NMBR: variants seen among roughly 807,000 people sequenced by gnomAD.
NMBR encodes the protein neuromedin-B receptor.
NMBR carries 16 observed loss-of-function variants against 20.5 expected under a neutral mutation model. That is an observed-to-expected ratio of 0.78 (90% CI 0.53 to 1.19). The LOEUF is 1.19. Ranked by LOEUF, NMBR falls within the 50% of genes most tolerant of loss-of-function variation. The pLI is 0.00. For missense variants in NMBR, 582 were observed against 499.1 expected, an observed-to-expected ratio of 1.17 and a Z score of -1.58; for synonymous variants, 212 against 196.6, an observed-to-expected ratio of 1.08 and a Z score of -0.65.
intron 1 of NMBR, among the ~76,000 whole-genome samples, chr6:142,091,729 G>A (rs1419507906): frequency 6.6e-6 from 1 of 152,092 alleles, no homozygotes; most frequent in Admixed American, 6.6e-5. Flanking sequence ...TGTCTGTTAT[G>A]TCTCTTTGTT....
chr6:142,116,817 T>C (rs777065840), intron 1 of NMBR, among the ~76,000 whole-genome samples: 2 of 152,028 alleles, frequency 1.3e-5, no homozygotes, highest in Non-Finnish European at 2.9e-5. Context: ...TTACTGTAAA[T>C]GTTATTCACT....
chr6:142,088,650 A>G lies in NMBR; in HGVS notation c.9T>C (p.Ser3=). 6.2e-7 allele frequency: 1 copy of G among 1,600,244 alleles called. No homozygotes were observed. The highest frequency in any genetic ancestry group is 8.5e-7 in the Non-Finnish European group (1 of 1,178,406). MP[S]KSLSNLSVTT... is the part of the protein sequence containing the mutation. ...TCACCGAGAGGTTGGAAAGAGACTT[A>G]GAGGGCATGATCTCCTTTCCAGCAG... Residue 3 remains serine, a synonymous_variant, in exon 2 of 4, where the codon TCT becomes TCC. Transcript: ENST00000258042.
intron 2 of NMBR, among the ~76,000 whole-genome samples, chr6:142,085,001 T>C (rs1161691545): frequency 6.6e-6 from 1 of 152,212 alleles, no homozygotes; most frequent in Non-Finnish European, 1.5e-5. Context: ...GCAAGCAATA[T>C]ACATTTTCAA....
At chr6:142,120,083 C>CTTAA (rs1308704113) in intron 1 of NMBR, among the ~76,000 whole-genome samples, 1 of 151,870 alleles carries the variant, frequency 6.6e-6, no homozygotes, top group Non-Finnish European at 1.5e-5. Context: ...GATCTTAACT[C>CTTAA]TTAAGAACAT....
chr6:142,145,894 T>G (rs1778424167), intron 1 of NMBR, among the ~76,000 whole-genome samples: 1 of 152,164 alleles, frequency 6.6e-6, no homozygotes, highest in Non-Finnish European at 1.5e-5. Context: ...AGTTGATCTT[T>G]AAGGGCAGCT....
At chr6:142,104,517 C>T (rs1480412958) in intron 1 of NMBR, among the ~76,000 whole-genome samples, 1 of 152,160 alleles carries the variant, frequency 6.6e-6, no homozygotes, top group African/African-American at 2.4e-5. Context: ...TTTTGGAAAG[C>T]TTGTCAAATA....
chr6:142,096,456 T>G (rs1777454321), intron 1 of NMBR, among the ~76,000 whole-genome samples: 1 of 151,964 alleles, frequency 6.6e-6, no homozygotes, highest in African/African-American at 2.4e-5. Flanking sequence ...CATGTAGTTG[T>G]TCAGTTTCCA....
intron 1 of NMBR, among the ~76,000 whole-genome samples, chr6:142,119,471 G>A (rs1349324727): frequency 6.6e-6 from 1 of 151,906 alleles, no homozygotes; most frequent in Non-Finnish European, 1.5e-5. Context: ...AAAGTGTGAA[G>A]GATTGCCAAG....
chr6:142,134,584 C>A, intron 1 of NMBR: 1 of 642,486 alleles, frequency 1.6e-6, no homozygotes, highest in Non-Finnish European at 2.8e-6. Context: ...TCTTTTCCAC[C>A]TTTATGCTGC....
intron 1 of NMBR, among the ~76,000 whole-genome samples, chr6:142,106,879 A>T (rs902121472): frequency 5.3e-5 from 8 of 152,218 alleles, no homozygotes; most frequent in African/African-American, 1.9e-4. Context: ...TGTGATGTAA[A>T]TTTAAAACAA....
At chr6:142,083,486 T>A (rs923133383) in intron 2 of NMBR, among the ~76,000 whole-genome samples, 5 of 152,170 alleles carry the variant, frequency 3.3e-5, no homozygotes, top group Non-Finnish European at 4.4e-5. Context: ...CCTTACATTC[T>A]CCTGTCGCAG....
At chr6:142,096,086 A>G (rs952771011) in intron 1 of NMBR, among the ~76,000 whole-genome samples, 4 of 151,894 alleles carry the variant, frequency 2.6e-5, no homozygotes, top group African/African-American at 9.7e-5. Flanking sequence ...AATTTTGTTG[A>G]TCTTTTCAAA....
intron 1 of NMBR, among the ~76,000 whole-genome samples, chr6:142,122,750 C>G (rs1777965832): frequency 6.6e-6 from 1 of 151,818 alleles, no homozygotes; most frequent in Admixed American, 6.6e-5. Context: ...TAAATAGAAT[C>G]ACAAAGCCTA....
chr6:142,128,365 T>C (rs1778076044), intron 1 of NMBR, among the ~76,000 whole-genome samples: 2 of 152,074 alleles, frequency 1.3e-5, no homozygotes, highest in African/African-American at 4.8e-5. Flanking sequence ...AGATATCTTT[T>C]TGGGTCCAAT....
intron 1 of NMBR, among the ~76,000 whole-genome samples, chr6:142,141,003 T>C (rs1295036097): frequency 6.6e-6 from 1 of 152,148 alleles, no homozygotes; most frequent in African/African-American, 2.4e-5. Flanking sequence ...CACTTCTCTC[T>C]CAGTAATAAA....
chr6:142,102,848 T>C (rs1331464670), intron 1 of NMBR, among the ~76,000 whole-genome samples: 1 of 152,178 alleles, frequency 6.6e-6, no homozygotes, highest in Admixed American at 6.5e-5. Context: ...CCCATGAGTG[T>C]ACACAACAGA....
chr6:142,092,482 G>A (rs1196852409), intron 1 of NMBR, among the ~76,000 whole-genome samples: 1 of 152,108 alleles, frequency 6.6e-6, no homozygotes, highest in South Asian at 2.1e-4. Flanking sequence ...GAATATATAT[G>A]AGACCACGGG....
intron 1 of NMBR, among the ~76,000 whole-genome samples, chr6:142,103,745 A>G (rs1289441432): frequency 2.0e-5 from 3 of 152,198 alleles, no homozygotes; most frequent in African/African-American, 7.2e-5. Context: ...ATATCTAAAT[A>G]TTTCAGTACT....
At chr6:142,081,658 T>C (rs1198858110) in intron 2 of NMBR, among the ~76,000 whole-genome samples, 1 of 152,224 alleles carries the variant, frequency 6.6e-6, no homozygotes, top group Non-Finnish European at 1.5e-5. Flanking sequence ...ACTGTGTGTA[T>C]CTTTGAAAGG....
Sources: allele counts gnomAD v4.1 joint callset (sites outside exome capture counted in the v4.1 genomes callset), GRCh38; gene constraint gnomAD v4.1.1; transcripts MANE v1.5; gene names NCBI Gene and HGNC (gene_info 2026-07-23, HGNC 2026-07-21).